Variants in PDE10A observed in about 807,000 individuals in gnomAD.
PDE10A encodes the protein phosphodiesterase 10A.
A neutral mutation model predicts 97.7 loss-of-function variants in PDE10A; 39 were observed. That is an observed-to-expected ratio of 0.40 (90% CI 0.31 to 0.52). PDE10A has a LOEUF of 0.52. Among genes scored for constraint, PDE10A ranks in the 20% least tolerant of loss-of-function variants. The pLI is 0.56. For synonymous variants in PDE10A, 371 were observed against 376.8 expected, an observed-to-expected ratio of 0.98 and a Z score of 0.18; for missense variants, 731 against 1,047.8, an observed-to-expected ratio of 0.70 and a Z score of 4.17.
chr6:165,384,394 G>T (rs1279407995), intron 17 of PDE10A, among the ~76,000 whole-genome samples: 2 of 152,098 alleles, frequency 1.3e-5, no homozygotes, highest in Non-Finnish European at 2.9e-5. Context: ...AATCCTGATG[G>T]CCAGCATTAA....
At chr6:165,396,173 T>G in intron 14 of PDE10A, 144 bp downstream of exon 14, 1 of 723,946 alleles carries the variant, frequency 1.4e-6, no homozygotes, top group Non-Finnish European at 2.2e-6. Context: ...TGGAATCACT[T>G]CAGAAGCAGA....
At chr6:165,768,479 AGT>A (rs1777922869) in intron 1 of PDE10A, among the ~76,000 whole-genome samples, 1 of 152,146 alleles carries the variant, frequency 6.6e-6, no homozygotes, top group South Asian at 2.1e-4. Context: ...ATTTATTTTA[AGT>A]GTCCTTCACT....
chr6:165,850,373 C>T (rs1242678431), intron 1 of PDE10A, among the ~76,000 whole-genome samples: 1 of 152,184 alleles, frequency 6.6e-6, no homozygotes, highest in East Asian at 1.9e-4. Flanking sequence ...TCTCAGGGTC[C>T]GTGGAACACA....
intron 1 of PDE10A, among the ~76,000 whole-genome samples, chr6:165,554,676 G>A (rs1420987876): frequency 6.6e-6 from 1 of 152,156 alleles, no homozygotes; most frequent in Non-Finnish European, 1.5e-5. Context: ...ATACCCAAAA[G>A]AAAGGAAATC....
intron 5 of PDE10A, 93 bp from the exon 6 acceptor site, chr6:165,435,470 T>G: frequency 9.4e-7 from 1 of 1,067,810 alleles, no homozygotes; most frequent in Non-Finnish European, 1.3e-6. Flanking sequence ...AATAAATCTG[T>G]GAGCCAATTA....
At chr6:165,535,689 G>C (rs879402878) in intron 2 of PDE10A, among the ~76,000 whole-genome samples, 5 of 151,452 alleles carry the variant, frequency 3.3e-5, no homozygotes, top group Non-Finnish European at 7.4e-5. Context: ...TTTTGCTATT[G>C]TGAATAGTGC....
chr6:165,581,066 T>C (rs1235378200), intron 1 of PDE10A, among the ~76,000 whole-genome samples: 1 of 152,188 alleles, frequency 6.6e-6, no homozygotes, highest in Non-Finnish European at 1.5e-5. Flanking sequence ...AATTTCCTTT[T>C]TAGATCCATT....
intron 1 of PDE10A, among the ~76,000 whole-genome samples, chr6:165,674,441 C>CT (rs140735868): frequency 2.0e-4 from 31 of 152,260 alleles, no homozygotes; most frequent in Non-Finnish European, 4.6e-4. Context: ...GAGCTCCCTG[C>CT]TGATGCGCAG....
chr6:165,760,564 G>C (rs541842699), intron 1 of PDE10A, among the ~76,000 whole-genome samples: 1 of 152,178 alleles, frequency 6.6e-6, no homozygotes, highest in Non-Finnish European at 1.5e-5. Context: ...TGTTGAATGG[G>C]TGAATGAATA....
At chr6:165,806,100 G>A (rs1445533717) in intron 1 of PDE10A, among the ~76,000 whole-genome samples, 1 of 144,450 alleles carries the variant, frequency 6.9e-6, no homozygotes, top group Non-Finnish European at 1.5e-5. Context: ...TCTTTTTCTG[G>A]GCCTCATCCT....
At chr6:165,811,529 A>C in intron 1 of PDE10A, among the ~76,000 whole-genome samples, 1 of 151,656 alleles carries the variant, frequency 6.6e-6, no homozygotes, top group African/African-American at 2.4e-5. Flanking sequence ...TCCCTGGTCC[A>C]CTCATTTCTG....
chr6:165,394,976 G>A (rs1786039129), intron 15 of PDE10A, among the ~76,000 whole-genome samples: 1 of 152,126 alleles, frequency 6.6e-6, no homozygotes, highest in South Asian at 2.1e-4. Flanking sequence ...TGTTGCTAGA[G>A]CCCCTACAGA....
intron 18 of PDE10A, among the ~76,000 whole-genome samples, chr6:165,360,808 G>GT (rs1270469343): frequency 6.6e-6 from 1 of 152,184 alleles, no homozygotes; most frequent in East Asian, 1.9e-4. Flanking sequence ...GAACTTAAGA[G>GT]TAGGGTGTGG....
chr6:165,711,494 G>A lies in PDE10A; in HGVS notation c.-614-167926C>T, dbSNP rs79536947. 8.7e-4 allele frequency among the ~76,000 whole-genome samples: 132 copies of A among 152,188 alleles called. No individual in the cohort carries two copies. The highest frequency in any genetic ancestry group is 2.8e-3 in the African/African-American group (115 of 41,532). On this transcript the variant is annotated intron_variant, in intron 1 of 19. Transcript: ENST00000366882. This position sits in a 1 kb window ranked among gnomAD's most constrained non-coding sequence, Gnocchi z 4.5. Reference sequence around the variant, plus strand: ...CTCTGCGAGTTAGCTGTCTGGAGAGGGCCTTAAGTCACTCTCCATTTGGAG... The same window carrying A: ...CTCTGCGAGTTAGCTGTCTGGAGAGAGCCTTAAGTCACTCTCCATTTGGAG...
rs1790357515 is a variant in PDE10A at position 165,662,827 on chromosome 6, C to T, written c.-16G>A. ...GGCTGGCCATGGTTCCTCCCCGGGC[C>T]GCGGAGGGGCAGGCCGCGGGCGGGA... On this transcript the variant is annotated 5_prime_UTR_variant, in exon 1 of 22. Coordinates refer to ENST00000539869, the MANE Select transcript of PDE10A (RefSeq NM_001385079.1). Among the ~76,000 whole-genome samples the T allele has an allele frequency of 6.8e-6, 1 of 147,868 alleles. No homozygotes were observed. Among genetic ancestry groups the T allele is most frequent in the Non-Finnish European group, 1.5e-5 (1 of 66,458 alleles).
intron 1 of PDE10A, among the ~76,000 whole-genome samples, chr6:165,857,241 G>A (rs567902570): frequency 2.0e-5 from 3 of 152,220 alleles, no homozygotes; most frequent in East Asian, 3.9e-4. Context: ...CATCTCAGTC[G>A]GCTAAGTATG....
In PDE10A at chr6:165,388,567, G is replaced by T; in HGVS notation, c.2455-114C>A. On this transcript the variant is annotated intron_variant, in intron 16 of 21. Coordinates refer to ENST00000539869, the MANE Select transcript of PDE10A (RefSeq NM_001385079.1). This position sits in a 1 kb window ranked among gnomAD's most constrained non-coding sequence, Gnocchi z 4.0. ...CTGGCATTAATATAGCACAAATACA[G>T]CATTCTGGCATAAAGAATCCTATAC... The T allele has an allele frequency of 1.1e-6, 1 of 872,244 alleles. No homozygotes were observed. The highest frequency in any genetic ancestry group is 1.9e-5 in the Admixed American group (1 of 52,040). 54.0% of individuals were successfully genotyped at this position (872,244 alleles called of 1,614,324 possible). A position where few individuals can be genotyped will look rare whatever the true frequency, so the allele number is the denominator to read the frequency against.
At chr6:165,977,009 C>T (rs777836681) in intron 1 of PDE10A, among the ~76,000 whole-genome samples, 2 of 152,130 alleles carry the variant, frequency 1.3e-5, no homozygotes. Context: ...TAGGCTGGAG[C>T]CAAATGTGAA....
intron 1 of PDE10A, among the ~76,000 whole-genome samples, chr6:165,697,759 T>C (rs1791474465): frequency 6.6e-6 from 1 of 152,112 alleles, no homozygotes; most frequent in South Asian, 2.1e-4. Context: ...TTTGGGAAAT[T>C]GAAAAAGCTC....
Sources: gnomAD v4.1 joint callset for allele counts (sites outside exome capture counted in the v4.1 genomes callset) on GRCh38, gnomAD v4.1.1 for gene constraint, Gnocchi (gnomAD v3.1) non-coding constraint, MANE v1.5 for transcripts, NCBI Gene and HGNC (gene_info 2026-07-23, HGNC 2026-07-21) for gene names.